The following TMEM117 variants were observed in gnomAD, a reference collection of about 807,000 sequenced individuals.
TMEM117 encodes the protein transmembrane protein 117.
A neutral mutation model predicts 52.4 loss-of-function variants in TMEM117; 27 were observed. The ratio of observed to expected loss-of-function variants is 0.51; its 90% CI spans 0.38 to 0.71. The LOEUF (loss-of-function observed/expected upper bound fraction) is 0.71, where lower values mean the gene tolerates loss of function less well. Among genes scored for constraint, TMEM117 ranks in the 30% least tolerant of loss-of-function variants. The pLI is 0.00. For synonymous variants in TMEM117, 215 were observed against 206.3 expected (o/e 1.04, Z -0.36); for missense variants, 556 against 630.5 (o/e 0.88, Z 1.26).
rs144343836 is a variant in TMEM117, at chr12:44,220,622, A to G, written c.608+9235A>G. Among the ~76,000 whole-genome samples the G allele has an allele frequency of 6.0e-3, 919 of 152,228 alleles. 3 individuals carry two copies. Among genetic ancestry groups the G allele is most frequent in the Non-Finnish European group, 9.9e-3 (670 of 68,004 alleles). On this transcript the variant is annotated intron_variant, in intron 5 of 7. Transcript: ENST00000266534. ...TACCCAGATCTTGGTCTCTGACATCATTCTCCAATAAAAGGAACCAGGGCT... is the reference window on the plus strand; with the variant it reads ...TACCCAGATCTTGGTCTCTGACATCGTTCTCCAATAAAAGGAACCAGGGCT...
chr12:44,362,389 T>C (rs1951732758), intron 6 of TMEM117, among the ~76,000 whole-genome samples: 1 of 152,114 alleles, frequency 6.6e-6, no homozygotes, highest in Non-Finnish European at 1.5e-5. Context: ...ACTAATATTT[T>C]CTGAAATTAT....
chr12:44,049,417 G>A (rs1946932994), intron 3 of TMEM117, among the ~76,000 whole-genome samples: 1 of 152,084 alleles, frequency 6.6e-6, no homozygotes, highest in African/African-American at 2.4e-5. Flanking sequence ...GGCCTGTTGG[G>A]TGGTGGGGGG....
intron 5 of TMEM117, among the ~76,000 whole-genome samples, chr12:44,219,443 A>G (rs1416344763): frequency 6.6e-6 from 1 of 152,178 alleles, no homozygotes; most frequent in Non-Finnish European, 1.5e-5. Flanking sequence ...ATATAATTGT[A>G]TATCATTTTC....
intron 3 of TMEM117, among the ~76,000 whole-genome samples, chr12:44,025,355 G>C (rs534551535): frequency 4.5e-4 from 68 of 152,082 alleles, no homozygotes; most frequent in Non-Finnish European, 8.2e-4. Context: ...CTCCAGATTT[G>C]CTTAAATTAA....
chr12:43,933,498 C>T (rs1944904996), intron 2 of TMEM117, among the ~76,000 whole-genome samples: 1 of 151,346 alleles, frequency 6.6e-6, no homozygotes. Context: ...ACTGTGCCAG[C>T]CCAGTAATAC....
chr12:44,189,289 A>G (rs1204752391), intron 4 of TMEM117, among the ~76,000 whole-genome samples: 1 of 152,152 alleles, frequency 6.6e-6, no homozygotes, highest in African/African-American at 2.4e-5. Flanking sequence ...TCAACTATAT[A>G]TGTTTGCTAA....
At chr12:43,805,970 A>G in the TMEM117 span, 23 of 1,545,822 alleles carry the variant, frequency 1.5e-5, no homozygotes, top group East Asian at 3.4e-4. Flanking sequence ...CTCGAAAGCC[A>G]ATTTCCTTCG....
rs116569418 is a variant in TMEM117 at position 44,341,604 on chromosome 12, G to C, written c.769-34991G>C. Among the ~76,000 whole-genome samples, 1,045 of 152,176 alleles carry C rather than the reference G, an allele frequency of 6.9e-3. 10 individuals carry two copies. The highest frequency in any genetic ancestry group is 0.024 in the African/African-American group (996 of 41,538). The stretch of plus-strand genomic sequence containing the variant: ...GTAGGGTTGGTGTTAGTCTTGCTCT[G>C]CTCTGAGGTGGTCATCTTGGCCTGT... On this transcript the variant is annotated intron_variant, in intron 6 of 7. Transcript: ENST00000266534.
chr12:43,967,831 T>C (rs1239921999), intron 3 of TMEM117, among the ~76,000 whole-genome samples: 1 of 152,238 alleles, frequency 6.6e-6, no homozygotes, highest in Non-Finnish European at 1.5e-5. Context: ...ACTAATGCAC[T>C]GCATATAAAA....
At chr12:43,967,132 C>CTT (rs60114254) in intron 3 of TMEM117, among the ~76,000 whole-genome samples, 5,864 of 145,884 alleles carry the variant, frequency 0.04, 171 homozygotes, top group Middle Eastern at 0.092. Context: ...ACTTCTTCTT[C>CTT]TTTTTTTTTT....
At chr12:44,392,238 G>T (rs570567673), downstream of TMEM117, among the ~76,000 whole-genome samples, 8 of 152,274 alleles carry the variant, frequency 5.3e-5, no homozygotes, top group Non-Finnish European at 1.0e-4. Flanking sequence ...AGAAAAAGAG[G>T]TGGATATTTA....
chr12:44,195,354 A>G (rs972016689), intron 4 of TMEM117, among the ~76,000 whole-genome samples: 3 of 152,164 alleles, frequency 2.0e-5, no homozygotes, highest in Non-Finnish European at 4.4e-5. Context: ...ATCCCTCTCT[A>G]GCTTCCAATA....
At chr12:43,796,329 G>C in the TMEM117 span, among the ~76,000 whole-genome samples, 1 of 152,132 alleles carries the variant, frequency 6.6e-6, no homozygotes, top group Non-Finnish European at 1.5e-5. Context: ...AACTTAAAAA[G>C]CATGAAGGGT....
chr12:44,144,702 T>G (rs1255388067), intron 4 of TMEM117, among the ~76,000 whole-genome samples: 1 of 152,238 alleles, frequency 6.6e-6, no homozygotes, highest in Non-Finnish European at 1.5e-5. Context: ...TTTTTGAGCC[T>G]CCACCTACCT....
intron 4 of TMEM117, among the ~76,000 whole-genome samples, chr12:44,171,352 C>A (rs1271798309): frequency 6.6e-6 from 1 of 152,192 alleles, no homozygotes. Context: ...AACTTTGAGA[C>A]TTACACAAAT....
chr12:43,806,137 C>A, the TMEM117 span: 1 of 1,529,738 alleles, frequency 6.5e-7, no homozygotes, highest in Admixed American at 2.0e-5. Context: ...GGCCCGACTC[C>A]AGCCCTGCCG....
intron 3 of TMEM117, among the ~76,000 whole-genome samples, chr12:43,977,882 A>G (rs1009973170): frequency 1.3e-5 from 2 of 152,242 alleles, no homozygotes; most frequent in Non-Finnish European, 1.5e-5. Context: ...CTTTCCAGGA[A>G]GAGCATGTGT....
At chr12:44,093,079 T>C (rs1440439393) in intron 3 of TMEM117, among the ~76,000 whole-genome samples, 1 of 152,070 alleles carries the variant, frequency 6.6e-6, no homozygotes. Flanking sequence ...AGATAGGGAA[T>C]AAGACTGTGA....
At position 44,107,256 on chromosome 12, in the gene TMEM117, G is replaced by C. The variant is rs926158437; in HGVS notation, c.411-36269G>C. On this transcript the variant is annotated intron_variant, in intron 3 of 7. Coordinates refer to ENST00000266534, the MANE Select transcript of TMEM117 (RefSeq NM_032256.3). ...CAGGGTTAGTAAGATATGGGGCAAG[G>C]ATTTGAACCTAGCCTCCTTGGCTCC... 3.9e-5 allele frequency among the ~76,000 whole-genome samples: 6 copies of C among 152,008 alleles called. No homozygotes were observed. The East Asian group carries it at 1.2e-3, about 29-fold the overall frequency.
Sources: allele counts gnomAD v4.1 joint callset (sites outside exome capture counted in the v4.1 genomes callset), GRCh38; gene constraint gnomAD v4.1.1; transcripts MANE v1.5; gene names NCBI Gene and HGNC (gene_info 2026-07-23, HGNC 2026-07-21).